PCDHA9: variants seen among roughly 807,000 people sequenced by gnomAD.
The protein encoded by PCDHA9 is protocadherin alpha-9.
A neutral mutation model predicts 62.0 loss-of-function variants in PCDHA9; 62 were observed. The ratio of observed to expected loss-of-function variants is 1.00; its 90% CI spans 0.81 to 1.23. PCDHA9 has a LOEUF of 1.23. Ranked by LOEUF, PCDHA9 falls within the 50% of genes most tolerant of loss-of-function variation. The pLI, the probability that PCDHA9 is intolerant of heterozygous loss-of-function variation, is 0.00. For synonymous variants in PCDHA9, 557 were observed against 567.6 expected (o/e 0.98, Z 0.27); for missense variants, 1,205 against 1,249.8 (o/e 0.96, Z 0.54).
chr5:140,869,766 G>T, intron 1 of PCDHA9: 1 of 1,613,210 alleles, frequency 6.2e-7, no homozygotes, highest in Non-Finnish European at 8.5e-7. Context: ...GAAAACCAGA[G>T]CTTACTGGCA....
intron 1 of PCDHA9, among the ~76,000 whole-genome samples, chr5:140,919,229 C>T (rs1163633473): frequency 1.1e-4 from 17 of 152,144 alleles, no homozygotes; most frequent in African/African-American, 3.9e-4. Flanking sequence ...TTTCTAGTAA[C>T]ACTTTTTGTC....
intron 1 of PCDHA9, chr5:140,883,167 G>A (rs781855278): frequency 6.2e-7 from 1 of 1,613,864 alleles, no homozygotes; most frequent in East Asian, 2.2e-5. Context: ...CCGAACAATG[G>A]AGAAATTAGG....
Position 140,849,842 on chromosome 5 carries a change from C to A in PCDHA9, c.1347C>A (p.Asn449Lys), listed in dbSNP as rs2150452935. 1 of 1,598,534 alleles carries A rather than the reference C, an allele frequency of 6.3e-7. No individual in the cohort carries two copies. Among genetic ancestry groups the A allele is most frequent in the Non-Finnish European group, 8.6e-7 (1 of 1,167,950 alleles). The change falls in exon 1 of 4, where the codon AAC (asparagine) becomes AAA (lysine). Residue 449 changes from asparagine to lysine, a missense_variant. Around this residue, in one of 3 missense-constraint regions of PCDHA9, gnomAD observed 887 missense variants for 809.5 expected, o/e 1.10. Transcript: ENST00000532602. ...ARVSVEVADV[N>K]DNAPAFAQSE... ...TGTCTGTGGAGGTGGCCGACGTGAA[C>A]GACAACGCACCAGCGTTCGCGCAGT...
At chr5:141,003,053 C>T (rs1554258899) in intron 3 of PCDHA9, among the ~76,000 whole-genome samples, 3 of 152,206 alleles carry the variant, frequency 2.0e-5, no homozygotes, top group African/African-American at 7.2e-5. Flanking sequence ...CTTAACAGAA[C>T]AGTTCCAAAT....
chr5:140,851,579 C>T lies in PCDHA9; in HGVS notation c.2394+690C>T, dbSNP rs527993952. On this transcript the variant is annotated intron_variant, in intron 1 of 3. Transcript: ENST00000532602. ...ACTGAAATTTTGTCTACACTTAGAA[C>T]ATTTTTTGAAATTCAGTTTACAGAA... 1.1e-5 allele frequency: 10 copies of T among 913,374 alleles called. No homozygotes were observed. In the South Asian group the frequency reaches 4.0e-4, roughly 36 times the overall value. 56.6% of individuals were successfully genotyped at this position (913,374 alleles called of 1,614,324 possible).
At chr5:140,990,708 T>G (rs1201090744) in intron 3 of PCDHA9, among the ~76,000 whole-genome samples, 3 of 152,190 alleles carry the variant, frequency 2.0e-5, no homozygotes, top group African/African-American at 7.2e-5. Context: ...TTTATGGGGA[T>G]AAGAGCATCA....
At chr5:140,876,418 T>G in intron 1 of PCDHA9, 1 of 1,613,982 alleles carries the variant, frequency 6.2e-7, no homozygotes, top group African/African-American at 1.3e-5. Context: ...GAATAATGCC[T>G]ATGAAATTCA....
chr5:140,894,997 T>G (rs566489828), intron 1 of PCDHA9, among the ~76,000 whole-genome samples: 15 of 152,296 alleles, frequency 9.8e-5, no homozygotes, highest in African/African-American at 3.6e-4. Flanking sequence ...TCCTTTACCC[T>G]TTTTACTTGG....
intron 1 of PCDHA9, among the ~76,000 whole-genome samples, chr5:140,920,731 C>G (rs2079790420): frequency 6.6e-6 from 1 of 151,924 alleles, no homozygotes; most frequent in African/African-American, 2.4e-5. Flanking sequence ...GCAGTCCCAG[C>G]TACTCAGGAG....
intron 3 of PCDHA9, among the ~76,000 whole-genome samples, chr5:140,994,545 A>T (rs1397619431): frequency 2.6e-5 from 4 of 152,074 alleles, no homozygotes; most frequent in African/African-American, 9.7e-5. Flanking sequence ...TCTACAAAAA[A>T]AATATAAAAA....
At chr5:140,972,783 C>T (rs1437997582) in intron 1 of PCDHA9, among the ~76,000 whole-genome samples, 2 of 151,768 alleles carry the variant, frequency 1.3e-5, no homozygotes, top group African/African-American at 4.8e-5. Context: ...TCTGCCTCAG[C>T]CTCCTGAGTA....
intron 3 of PCDHA9, among the ~76,000 whole-genome samples, chr5:140,990,194 G>A (rs2097380047): frequency 6.6e-6 from 1 of 152,076 alleles, no homozygotes; most frequent in Non-Finnish European, 1.5e-5. Context: ...ACCAAATGTG[G>A]ACCCGAAAGA....
Position 140,875,657 on chromosome 5 carries a change from G to T in PCDHA9, c.2394+24768G>T, listed in dbSNP as rs1241102848. 6 of 1,613,738 alleles carry T rather than the reference G, an allele frequency of 3.7e-6. No homozygotes were observed. The East Asian group carries it at 1.1e-4, about 30-fold the overall frequency. Reference sequence around the variant, plus strand: ...CTGGAGCTGGCGGAGCTGGTGCCGCGCCTGTTCCGGGTGGCGTCCAAAAGA... The same window carrying T: ...CTGGAGCTGGCGGAGCTGGTGCCGCTCCTGTTCCGGGTGGCGTCCAAAAGA... On this transcript the variant is annotated intron_variant, in intron 1 of 3. Coordinates refer to ENST00000532602, the MANE Select transcript of PCDHA9 (RefSeq NM_031857.2).
intron 1 of PCDHA9, among the ~76,000 whole-genome samples, chr5:140,973,634 C>T (rs2096596343): frequency 6.6e-6 from 1 of 152,220 alleles, no homozygotes; most frequent in African/African-American, 2.4e-5. Flanking sequence ...ATCTTGTACA[C>T]ATTCTGACTG....
intron 1 of PCDHA9, among the ~76,000 whole-genome samples, chr5:140,890,874 C>T (rs1337922727): frequency 6.6e-6 from 1 of 152,082 alleles, no homozygotes; most frequent in Admixed American, 6.6e-5. Flanking sequence ...CCCCTCTGAC[C>T]TTTCATCAGG....
intron 1 of PCDHA9, among the ~76,000 whole-genome samples, chr5:140,871,887 G>T (rs1294459270): frequency 6.6e-6 from 1 of 152,170 alleles, no homozygotes; most frequent in Non-Finnish European, 1.5e-5. Flanking sequence ...GCTCCTCTTT[G>T]TCTTTTAGCA....
chr5:141,010,193 T>C lies in PCDHA9; in HGVS notation c.*256T>C, dbSNP rs782116962. Reference sequence around the variant, plus strand: ...CCTAAAAAGCAGACCCAAGTTTCCTTTCTCCTCCGCCGCAAAGGAGAGGCT... The same window carrying C: ...CCTAAAAAGCAGACCCAAGTTTCCTCTCTCCTCCGCCGCAAAGGAGAGGCT... On this transcript the variant is annotated 3_prime_UTR_variant, in exon 4 of 4. Transcript: ENST00000532602. 7.7e-6 allele frequency: 12 copies of C among 1,552,398 alleles called. No individual in the cohort carries two copies. The South Asian group carries it at 1.3e-4, about 17-fold the overall frequency.
chr5:140,996,799 T>C (rs1372599057), intron 3 of PCDHA9, among the ~76,000 whole-genome samples: 3 of 152,306 alleles, frequency 2.0e-5, no homozygotes, highest in African/African-American at 7.2e-5. Context: ...CTACATCCAA[T>C]CATGCTTTCC....
rs782355791 is a variant in PCDHA9, at chr5:140,982,576, G to A, written c.2542+13G>A. The A allele has an allele frequency of 5.6e-6, 9 of 1,613,152 alleles. No homozygotes were observed. In the Admixed American group the frequency reaches 6.7e-5, roughly 12 times the overall value. ...AGTGCAACACCAGGTAAAGAGCTGG[G>A]GTCTCTCCATTCTTTCTTGGTTTCT... On this transcript the variant is annotated intron_variant, in intron 3 of 3. Transcript: ENST00000532602.
Sources: gnomAD v4.1 joint callset for allele counts (sites outside exome capture counted in the v4.1 genomes callset) on GRCh38, gnomAD v4.1.1 for gene constraint, gnomAD v4.1.1 regional missense constraint, MANE v1.5 for transcripts, NCBI Gene and HGNC (gene_info 2026-07-23, HGNC 2026-07-21) for gene names.